Variants in NHS observed in about 807,000 individuals in gnomAD.
NHS encodes the protein NHS actin remodeling regulator, also known as actin remodeling regulator NHS.
NHS carries 5 observed loss-of-function variants against 72.5 expected under a neutral mutation model. The ratio of observed to expected loss-of-function variants is 0.07; its 90% confidence interval spans 0.04 to 0.14. The LOEUF is 0.14. NHS is among the 10% of genes least tolerant of loss of function. NHS has a pLI of 1.00. For missense variants in NHS, 1,072 were observed against 1,355.7 expected (o/e 0.79, Z 3.29); for synonymous variants, 464 against 547.7 (o/e 0.85, Z 2.13).
chrX:17,553,795 C>G (rs12116339), intron 1 of NHS, among the ~76,000 whole-genome samples: 11,704 of 110,936 alleles, frequency 0.11, 1,508 homozygotes, highest in African/African-American at 0.36. Flanking sequence ...TGGGAGACTG[C>G]TTTCTCAGGC....
At chrX:17,531,336 C>T (rs1388864815) in intron 1 of NHS, among the ~76,000 whole-genome samples, 3 of 108,553 alleles carry the variant, frequency 2.8e-5, no homozygotes, top group African/African-American at 1.0e-4. Flanking sequence ...AGTGGGCCTC[C>T]CCCTCCCTCA....
intron 1 of NHS, among the ~76,000 whole-genome samples, chrX:17,430,111 C>CTTCCTTCCTTCCTTCCTTCA (rs1358028742): frequency 1.2e-4 from 12 of 103,035 alleles, no homozygotes; most frequent in Admixed American, 4.1e-4. Flanking sequence ...TCCTTCCTTC[C>CTTCCTTCCTTCCTTCCTTCA]TTCCTTTCCT....
At chrX:17,680,900 A>G (rs2066124629) in intron 1 of NHS, among the ~76,000 whole-genome samples, 1 of 112,601 alleles carries the variant, frequency 8.9e-6, no homozygotes, top group African/African-American at 3.2e-5. Context: ...GGTATAGAAC[A>G]TGGCAGCAGA....
At chrX:17,500,540 G>T (rs756732779) in intron 1 of NHS, among the ~76,000 whole-genome samples, 1 of 111,695 alleles carries the variant, frequency 9.0e-6, no homozygotes, top group Non-Finnish European at 1.9e-5. Context: ...GTCTGGCCAC[G>T]TTTCCTCCTG....
intron 1 of NHS, among the ~76,000 whole-genome samples, chrX:17,404,236 G>A (rs376117348): frequency 6.3e-5 from 7 of 111,738 alleles, no homozygotes; most frequent in Admixed American, 2.8e-4. Context: ...GGCCAGGCTG[G>A]CAGGAAGAGG....
chrX:17,483,703 A>G (rs1347493491), intron 1 of NHS, among the ~76,000 whole-genome samples: 1 of 110,657 alleles, frequency 9.0e-6, no homozygotes. Flanking sequence ...ATAGCAGTGG[A>G]GCTTGCTGTC....
rs1475584842 is a variant in NHS, at chrX:17,732,161, G to A, written c.4653G>A (p.Glu1551=). The A allele has an allele frequency of 7.4e-6, 9 of 1,210,152 alleles. No homozygotes were observed. The highest frequency in any genetic ancestry group is 3.4e-6 in the Non-Finnish European group (3 of 895,240). The part of the protein sequence containing the change: ...KSPILPKPPG[E]LTAESPQSTD... ...CCATACTGCCCAAACCTCCTGGGGA[G>A]CTCACAGCAGAGTCCCCTCAGAGCA... The change falls in exon 9 of 9, where the codon GAG becomes GAA. Residue 1551 remains glutamate, a synonymous_variant. Coordinates refer to ENST00000676302, the MANE Select transcript of NHS (RefSeq NM_001291867.2).
chrX:17,647,841 A>C (rs2065912903), intron 1 of NHS, among the ~76,000 whole-genome samples: 1 of 111,996 alleles, frequency 8.9e-6, no homozygotes, highest in Non-Finnish European at 1.9e-5. Flanking sequence ...TGCCAAGCCC[A>C]GGATTGGAGG....
intron 1 of NHS, among the ~76,000 whole-genome samples, chrX:17,402,135 A>G (rs973912686): frequency 7.1e-5 from 8 of 111,913 alleles, no homozygotes; most frequent in Non-Finnish European, 1.9e-5. Flanking sequence ...ACAACGAGAT[A>G]CCACATCATC....
At chrX:17,440,751 A>AAATAAGC (rs1331802383) in intron 1 of NHS, among the ~76,000 whole-genome samples, 1 of 111,961 alleles carries the variant, frequency 8.9e-6, no homozygotes, top group Non-Finnish European at 1.9e-5. Flanking sequence ...AGGAGGTCAG[A>AAATAAGC]AATAAGCAAC....
At chrX:17,728,857 T>C (rs1409275067) in intron 8 of NHS, 82 bp downstream of exon 8, 2 of 1,124,344 alleles carry the variant, frequency 1.8e-6, no homozygotes, top group East Asian at 3.0e-5. Context: ...CAAATGCAAA[T>C]ACAGGAAAGC....
intron 1 of NHS, among the ~76,000 whole-genome samples, chrX:17,670,387 T>C (rs1264930323): frequency 8.9e-6 from 1 of 112,522 alleles, no homozygotes; most frequent in Non-Finnish European, 1.9e-5. Context: ...TATCTTTTCA[T>C]GTAAACATTC....
At chrX:17,543,358 T>A (rs1367598452) in intron 1 of NHS, among the ~76,000 whole-genome samples, 1 of 112,432 alleles carries the variant, frequency 8.9e-6, no homozygotes, top group East Asian at 2.8e-4. Flanking sequence ...TGCTTAACAT[T>A]GTCCTAAGCA....
chrX:17,615,045 G>A (rs2065730860), intron 1 of NHS, among the ~76,000 whole-genome samples: 1 of 98,358 alleles, frequency 1.0e-5, no homozygotes, highest in South Asian at 4.8e-4. Context: ...TTCTTTCCCT[G>A]TCCCAGGGCA....
chrX:17,413,733 TA>T (rs1173905743), intron 1 of NHS, among the ~76,000 whole-genome samples: 1 of 111,430 alleles, frequency 9.0e-6, no homozygotes, highest in Non-Finnish European at 1.9e-5. Flanking sequence ...TTAATCCTTT[TA>T]CACTGGAAAT....
intron 1 of NHS, among the ~76,000 whole-genome samples, chrX:17,578,193 A>G (rs1252129373): frequency 8.9e-6 from 1 of 112,699 alleles, no homozygotes; most frequent in Non-Finnish European, 1.9e-5. Context: ...GATGTTCTTT[A>G]ATTATGCCAA....
intron 1 of NHS, among the ~76,000 whole-genome samples, chrX:17,664,779 T>C (rs1437248443): frequency 2.7e-5 from 3 of 111,640 alleles, no homozygotes; most frequent in Non-Finnish European, 5.6e-5. Context: ...TTTGAATATA[T>C]GGATGGATTT....
At chrX:17,469,890 G>A (rs193033528) in intron 1 of NHS, among the ~76,000 whole-genome samples, 456 of 111,967 alleles carry the variant, frequency 4.1e-3, no homozygotes, top group Middle Eastern at 0.014. Context: ...TGATTGGCCC[G>A]CCTTGGCTTC....
chrX:17,560,016 TA>T (rs1370016145), intron 1 of NHS, among the ~76,000 whole-genome samples: 1 of 111,943 alleles, frequency 8.9e-6, no homozygotes, highest in East Asian at 2.8e-4. Flanking sequence ...AATTTATATT[TA>T]AAAAAACATA....
Sources: allele counts gnomAD v4.1 joint callset (sites outside exome capture counted in the v4.1 genomes callset), GRCh38; gene constraint gnomAD v4.1.1; transcripts MANE v1.5; gene names NCBI Gene and HGNC (gene_info 2026-07-23, HGNC 2026-07-21).